The following TMEM144 variants were observed in gnomAD, a reference collection of about 807,000 sequenced individuals.
TMEM144 encodes transmembrane protein 144.
TMEM144 carries 39 observed loss-of-function variants against 43.6 expected under a neutral mutation model. The ratio of observed to expected loss-of-function variants is 0.90; its 90% CI spans 0.69 to 1.17. TMEM144 has a LOEUF of 1.17. Ranked by LOEUF, TMEM144 falls within the 50% of genes most tolerant of loss-of-function variation. TMEM144 has a pLI of 0.00. For missense variants in TMEM144, 417 were observed against 411.9 expected (o/e 1.01, Z -0.11); for synonymous variants, 154 against 133.6 (o/e 1.15, Z -1.06).
intron 6 of TMEM144, among the ~76,000 whole-genome samples, chr4:158,220,524 T>C (rs1010125207): frequency 1.3e-5 from 2 of 152,238 alleles, no homozygotes; most frequent in Non-Finnish European, 2.9e-5. Context: ...CAATTATTCA[T>C]GTTCTACCAC....
chr4:158,251,698 T>C (rs1479105492), intron 12 of TMEM144, among the ~76,000 whole-genome samples: 1 of 152,170 alleles, frequency 6.6e-6, no homozygotes, highest in Admixed American at 6.5e-5. Context: ...GGACCACCCA[T>C]ATTTGGTGTA....
At chr4:158,218,939 C>G (rs925710503) in intron 5 of TMEM144, among the ~76,000 whole-genome samples, 5 of 151,964 alleles carry the variant, frequency 3.3e-5, no homozygotes, top group African/African-American at 1.2e-4. Context: ...CCAGTGAAAC[C>G]CTGTCTCTAC....
chr4:158,234,311 A>G (rs1579129854), intron 7 of TMEM144: 1 of 151,892 alleles, frequency 6.6e-6, no homozygotes, highest in East Asian at 1.9e-4. Flanking sequence ...TGGGCAGATC[A>G]CCTGAGTTCA....
Position 158,241,672 on chromosome 4 carries a change from C to T in TMEM144, c.900+66C>T, listed in dbSNP as rs564158418. On this transcript the variant is annotated intron_variant, in intron 11 of 12. Transcript: ENST00000296529. ...ATGTAAACCCAATTTTTCTGAAGCA[C>T]TCTTAGGGCATCGCTAAAGACTGTC... is the stretch of plus-strand genomic sequence containing the variant. 1.4e-4 allele frequency: 185 copies of T among 1,284,880 alleles called. 4 individuals are homozygous for T. The South Asian group carries it at 2.2e-3, about 15-fold the overall frequency. 79.6% of individuals were successfully genotyped at this position (1,284,880 alleles called of 1,614,324 possible).
chr4:158,237,406 A>T, intron 8 of TMEM144, 119 bp from the exon 9 acceptor site: 1 of 743,510 alleles, frequency 1.3e-6, no homozygotes, highest in Non-Finnish European at 2.3e-6. Flanking sequence ...CTTGAGATAA[A>T]TGGATGGTTT....
chr4:158,212,095 G>A (rs1428394266), intron 2 of TMEM144: 1 of 152,198 alleles, frequency 6.6e-6, no homozygotes, highest in Non-Finnish European at 1.5e-5. Flanking sequence ...TGCAAAATAT[G>A]AATCCAAGAT....
intron 6 of TMEM144, 68 bp downstream of exon 6, chr4:158,219,458 C>T: frequency 7.1e-7 from 1 of 1,412,340 alleles, no homozygotes; most frequent in Non-Finnish European, 1.0e-6. Context: ...AAGGATCCTG[C>T]TATGTTTACA....
At chr4:158,212,083 T>C (rs80347424) in intron 2 of TMEM144, 2 of 152,208 alleles carry the variant, frequency 1.3e-5, no homozygotes, top group Non-Finnish European at 2.9e-5. Context: ...AAAGGGCCAG[T>C]GTGCAAAATA....
rs916258474 is a variant in TMEM144, at chr4:158,255,112, CAATT to C, written c.*1587_*1590del. The C allele has an allele frequency of 4.5e-5, 1 of 22,208 alleles. No homozygotes were observed. Among genetic ancestry groups the C allele is most frequent in the Admixed American group, 4.7e-4 (1 of 2,142 alleles). 1.4% of individuals were successfully genotyped at this position (22,208 alleles called of 1,614,324 possible). A position where few individuals can be genotyped will look rare whatever the true frequency, so the allele number is the denominator to read the frequency against. On this transcript the variant is annotated 3_prime_UTR_variant, in exon 13 of 13. Coordinates refer to ENST00000296529, the MANE Select transcript of TMEM144 (RefSeq NM_018342.5). ...TAAGCTCACCACCTTCCCATCCAAA[CAATT>C]ATTACTCCTCTAAATGAATACTACT... is the stretch of plus-strand genomic sequence containing the variant.
intron 6 of TMEM144, among the ~76,000 whole-genome samples, chr4:158,220,583 G>A (rs1482064889): frequency 1.3e-5 from 2 of 152,264 alleles, no homozygotes; most frequent in East Asian, 3.9e-4. Context: ...CCAAGCTTTG[G>A]TTTCTTCATT....
At chr4:158,234,837 T>G (rs1025779589) in intron 7 of TMEM144, 1 of 152,820 alleles carries the variant, frequency 6.5e-6, no homozygotes, top group Non-Finnish European at 1.5e-5. Context: ...TGAAAACTTA[T>G]GAATTATTCA....
At position 158,212,754 on chromosome 4, in the gene TMEM144, TAAA is replaced by T; in HGVS notation, c.91_93del (p.Lys31del). On this transcript the variant is annotated inframe_deletion, in exon 3 of 13. Transcript: ENST00000296529. ...TGTTTGGCTCAAATTTTGTGCCACT[TAAA>T]AAATTTGATACTGGTGATGGTAATT... 1 of 1,613,610 alleles carries T rather than the reference TAAA, an allele frequency of 6.2e-7. No individual in the cohort carries two copies.
chr4:158,225,295 G>A (rs117676415), intron 6 of TMEM144, among the ~76,000 whole-genome samples: 2 of 152,176 alleles, frequency 1.3e-5, no homozygotes, highest in South Asian at 2.1e-4. Context: ...TTTTTTTTCT[G>A]ACACGTAGGG....
chr4:158,223,933 T>A (rs527935637), intron 6 of TMEM144, among the ~76,000 whole-genome samples: 1 of 152,348 alleles, frequency 6.6e-6, no homozygotes, highest in African/African-American at 2.4e-5. Flanking sequence ...TACCCAGTAA[T>A]GGGATTGCTG....
rs1283292551 is a variant in TMEM144 at position 158,253,444 on chromosome 4, G to T, written c.955G>T (p.Gly319Cys). The T allele has an allele frequency of 6.2e-7, 1 of 1,610,164 alleles. No homozygotes were observed. Among genetic ancestry groups the T allele is most frequent in the East Asian group, 2.2e-5 (1 of 44,796 alleles). The change falls in exon 13 of 13, where the codon GGT (glycine) becomes TGT (cysteine). Residue 319 changes from glycine (G) to cysteine (C), a missense_variant and splice_region_variant. Physicochemically the swap from Gly to Cys is radical, Grantham distance 159. Coordinates refer to ENST00000296529, the MANE Select transcript of TMEM144 (RefSeq NM_018342.5). ...WGIFMFKEIKGLQNYLLMILA... is the reference protein window; with the variant it reads ...WGIFMFKEIKCLQNYLLMILA... ...ACTGTTATTCTTTTTTCTTATTCAG[G>T]GTCTACAAAACTACCTATTAATGAT...
rs187787593 is a variant in TMEM144 at position 158,224,318 on chromosome 4, C to T, written c.413+4928C>T. Among the ~76,000 whole-genome samples, 100 of 152,222 alleles carry T rather than the reference C, an allele frequency of 6.6e-4. 1 individual carries two copies. Among genetic ancestry groups the T allele is most frequent in the African/African-American group, 2.4e-3 (100 of 41,550 alleles). ...TAAATTCTGGATATTAAACCTTTGTCAGACAGGCAGATTGCAAAAAATTTC... is the reference window on the plus strand; with the variant it reads ...TAAATTCTGGATATTAAACCTTTGTTAGACAGGCAGATTGCAAAAAATTTC... On this transcript the variant is annotated intron_variant, in intron 6 of 12. Transcript: ENST00000296529.
chr4:158,229,640 C>T (rs186507390), intron 6 of TMEM144, among the ~76,000 whole-genome samples: 1 of 152,296 alleles, frequency 6.6e-6, no homozygotes, highest in East Asian at 1.9e-4. Context: ...GGCCAACCCT[C>T]CCACTAAGGG....
chr4:158,235,668 T>TGC (rs1735307933), intron 8 of TMEM144, 163 bp downstream of exon 8: 1 of 562,054 alleles, frequency 1.8e-6, no homozygotes, highest in South Asian at 4.1e-5. Context: ...CCAGCTGAAT[T>TGC]TTAGGTACAG....
chr4:158,235,319 T>G, intron 7 of TMEM144, 119 bp from the exon 8 acceptor site: 1 of 994,802 alleles, frequency 1.0e-6, no homozygotes. Context: ...ATAGGTGACA[T>G]GTTTATTATA....
Sources: gnomAD v4.1 joint callset for allele counts (sites outside exome capture counted in the v4.1 genomes callset) on GRCh38, gnomAD v4.1.1 for gene constraint, MANE v1.5 for transcripts, NCBI Gene and HGNC (gene_info 2026-07-23, HGNC 2026-07-21) for gene names.